BMAL1: variants seen among roughly 807,000 people sequenced by gnomAD.
BMAL1 encodes basic helix-loop-helix ARNT like 1.
the BMAL1 span, chr11:13,355,190 G>T: frequency 5.0e-6 from 8 of 1,590,372 alleles, no homozygotes; most frequent in East Asian, 1.6e-4. Context: ...CTCCGAGGAG[G>T]TATACCCCCT....
the BMAL1 span, chr11:13,386,448 A>C: frequency 1.2e-6 from 1 of 822,528 alleles, no homozygotes; most frequent in Non-Finnish European, 1.8e-6. Context: ...AGCGATATAA[A>C]AAAAGATAGC....
chr11:13,356,421 T>A, the BMAL1 span: 1 of 558,076 alleles, frequency 1.8e-6, no homozygotes, highest in South Asian at 1.7e-5. Context: ...ATCCTATGGT[T>A]AACTAAGCAT....
At chr11:13,278,578 G>A in the BMAL1 span, among the ~76,000 whole-genome samples, 1 of 152,214 alleles carries the variant, frequency 6.6e-6, no homozygotes, top group Non-Finnish European at 1.5e-5. Flanking sequence ...GGCTGGCGCT[G>A]CACCCGGGAA....
the BMAL1 span, among the ~76,000 whole-genome samples, chr11:13,338,394 A>G: frequency 6.6e-6 from 1 of 152,212 alleles, no homozygotes; most frequent in Non-Finnish European, 1.5e-5. Flanking sequence ...TGCCAGGCAA[A>G]TGGACAAGTG....
the BMAL1 span, among the ~76,000 whole-genome samples, chr11:13,362,762 T>C: frequency 6.6e-6 from 1 of 152,186 alleles, no homozygotes; most frequent in African/African-American, 2.4e-5. Flanking sequence ...TCTCGAGAGC[T>C]GCCGTCGGTG....
At chr11:13,285,389 A>G in the BMAL1 span, among the ~76,000 whole-genome samples, 1 of 152,354 alleles carries the variant, frequency 6.6e-6, no homozygotes, top group Non-Finnish European at 1.5e-5. Context: ...GAGGGGACAG[A>G]TGATGAATAG....
chr11:13,372,638 T>G, the BMAL1 span, among the ~76,000 whole-genome samples: 1 of 152,122 alleles, frequency 6.6e-6, no homozygotes, highest in African/African-American at 2.4e-5. Flanking sequence ...GGCAAAACCC[T>G]GTCTCAACTA....
At chr11:13,372,483 C>CT in the BMAL1 span, 208 of 1,571,302 alleles carry the variant, frequency 1.3e-4, no homozygotes, top group African/African-American at 2.5e-3. Context: ...GCAGAGAAGA[C>CT]TGGGCCATCA....
chr11:13,358,599 C>A, the BMAL1 span: 2 of 1,583,538 alleles, frequency 1.3e-6, no homozygotes, highest in Non-Finnish European at 1.7e-6. Flanking sequence ...GAGGTGAGAC[C>A]CTGGGCTCTA....
the BMAL1 span, among the ~76,000 whole-genome samples, chr11:13,302,282 G>A: frequency 3.9e-5 from 6 of 152,170 alleles, no homozygotes. Flanking sequence ...GGGGCAGCAG[G>A]GTGACCCAGG....
At chr11:13,386,031 TC>T in the BMAL1 span, among the ~76,000 whole-genome samples, 2 of 152,352 alleles carry the variant, frequency 1.3e-5, no homozygotes, top group East Asian at 3.9e-4. Flanking sequence ...ACATAGGCTT[TC>T]TCCCATGTGG....
chr11:13,342,639 C>T, the BMAL1 span, among the ~76,000 whole-genome samples: 1 of 150,738 alleles, frequency 6.6e-6, no homozygotes, highest in Admixed American at 6.6e-5. Flanking sequence ...TATTTGGCCC[C>T]TGATTTTTTC....
chr11:13,377,609 C>A, the BMAL1 span, among the ~76,000 whole-genome samples: 2 of 152,218 alleles, frequency 1.3e-5, no homozygotes, highest in Admixed American at 1.3e-4. Context: ...TCATTTGTGC[C>A]TTTTCTGTGT....
At chr11:13,326,859 G>A in the BMAL1 span, among the ~76,000 whole-genome samples, 4 of 151,438 alleles carry the variant, frequency 2.6e-5, no homozygotes, top group Admixed American at 6.6e-5. Flanking sequence ...TCGCTCTGTC[G>A]CCCAGGCTGG....
the BMAL1 span, among the ~76,000 whole-genome samples, chr11:13,287,783 A>T: frequency 1.3e-5 from 2 of 152,230 alleles, no homozygotes; most frequent in African/African-American, 4.8e-5. Flanking sequence ...AACTGCAGCA[A>T]ATCTATAGCT....
the BMAL1 span, among the ~76,000 whole-genome samples, chr11:13,324,357 C>A: frequency 3.4e-5 from 5 of 145,884 alleles, no homozygotes; most frequent in Admixed American, 2.1e-4. Flanking sequence ...ACTCTCTGCT[C>A]ACTCCATTTC....
the BMAL1 span, among the ~76,000 whole-genome samples, chr11:13,310,495 G>A: frequency 6.6e-6 from 1 of 152,278 alleles, no homozygotes; most frequent in East Asian, 1.9e-4. Context: ...AACTGTGGTG[G>A]GATCTGCTGG....
At chr11:13,386,304 A>C in the BMAL1 span, among the ~76,000 whole-genome samples, 1 of 152,156 alleles carries the variant, frequency 6.6e-6, no homozygotes, top group African/African-American at 2.4e-5. Context: ...AATATTTTTA[A>C]CATTTACTAA....
chr11:13,297,235 C>T, the BMAL1 span, among the ~76,000 whole-genome samples: 1 of 152,190 alleles, frequency 6.6e-6, no homozygotes, highest in Non-Finnish European at 1.5e-5. Flanking sequence ...GAGTCACCTC[C>T]CTGTGCTATG....
Sources: gnomAD v4.1 joint callset for allele counts (sites outside exome capture counted in the v4.1 genomes callset) on GRCh38, gnomAD v4.1.1 for gene constraint, MANE v1.5 for transcripts, NCBI Gene and HGNC (gene_info 2026-07-23, HGNC 2026-07-21) for gene names.